The following MITF variants were observed in gnomAD, a reference collection of about 807,000 sequenced individuals.
MITF encodes melanocyte inducing transcription factor.
A neutral mutation model predicts 60.5 loss-of-function variants in MITF; 17 were observed. The observed-to-expected ratio is 0.28, with a 90% CI of 0.19 to 0.42. MITF has a LOEUF of 0.42. Among genes scored for constraint, MITF ranks in the 10% least tolerant of loss-of-function variants. The probability of loss-of-function intolerance (pLI) is 1.00; values close to 1 mark genes in which losing one functional copy is unlikely to be tolerated. For synonymous variants in MITF, 260 were observed against 248.5 expected (o/e 1.05, Z -0.43); for missense variants, 622 against 683.5 (o/e 0.91, Z 1.00).
chr3:69,862,511 G>T (rs550261257), intron 1 of MITF, among the ~76,000 whole-genome samples: 1 of 152,278 alleles, frequency 6.6e-6, no homozygotes, highest in Non-Finnish European at 1.5e-5. Context: ...CTCGGGCTGG[G>T]CAATAAAACA....
chr3:69,953,662 TAGAGAGAGAGAG>T (rs776961961), intron 7 of MITF, among the ~76,000 whole-genome samples: 3 of 136,570 alleles, frequency 2.2e-5, no homozygotes, highest in Non-Finnish European at 4.8e-5. Flanking sequence ...TATATATATA[TAGAGAGAGAGAG>T]AGAGAGAGAG....
intron 2 of MITF, among the ~76,000 whole-genome samples, chr3:69,910,517 C>G (rs2107384968): frequency 6.6e-6 from 1 of 152,288 alleles, no homozygotes; most frequent in South Asian, 2.1e-4. Context: ...CTCAGACACT[C>G]AATGCCAGCC....
At chr3:69,917,833 CTG>C (rs1397257571) in intron 2 of MITF, among the ~76,000 whole-genome samples, 1 of 151,036 alleles carries the variant, frequency 6.6e-6, no homozygotes, top group Non-Finnish European at 1.5e-5. Flanking sequence ...AAGATAGAGA[CTG>C]TTTTTTGTTT....
intron 2 of MITF, among the ~76,000 whole-genome samples, chr3:69,901,932 A>G (rs2065003441): frequency 1.3e-5 from 2 of 152,206 alleles, no homozygotes; most frequent in African/African-American, 4.8e-5. Context: ...CTGGGCCTAC[A>G]TGGGGATAGT....
intron 1 of MITF, chr3:69,763,618 G>A (rs569956680): frequency 2.6e-5 from 31 of 1,213,842 alleles, no homozygotes; most frequent in Non-Finnish European, 2.9e-5. Context: ...GTCTGCAATC[G>A]CATCTTTGTA....
intron 1 of MITF, among the ~76,000 whole-genome samples, chr3:69,852,289 A>G (rs2063838049): frequency 6.6e-6 from 1 of 152,208 alleles, no homozygotes; most frequent in South Asian, 2.1e-4. Context: ...CCAATCTCTA[A>G]GATAGAGCAT....
chr3:69,966,416 TA>T lies in MITF; in HGVS notation c.*1169del. ...GGACACATTTAAGGTGTAGTATTAA[TA>T]GGTTAAAACCAGGCTTTCTAGAAAG... On this transcript the variant is annotated 3_prime_UTR_variant, in exon 10 of 10. Transcript: ENST00000352241. 4.3e-6 allele frequency: 1 copy of T among 232,896 alleles called. No individual in the cohort carries two copies. The highest frequency in any genetic ancestry group is 8.5e-6 in the Non-Finnish European group (1 of 117,576). 14.4% of individuals were successfully genotyped at this position (232,896 alleles called of 1,614,324 possible).
At chr3:69,792,193 A>G (rs139907566) in intron 1 of MITF, among the ~76,000 whole-genome samples, 2 of 152,338 alleles carry the variant, frequency 1.3e-5, no homozygotes, top group African/African-American at 4.8e-5. Context: ...AACAAAGCCA[A>G]CTGAACTAAA....
At chr3:69,770,869 T>C (rs1011534313) in intron 1 of MITF, among the ~76,000 whole-genome samples, 2 of 152,176 alleles carry the variant, frequency 1.3e-5, no homozygotes, top group Non-Finnish European at 2.9e-5. Flanking sequence ...AGGTAATATG[T>C]GAGAGAACTA....
rs2064200170 is a variant in MITF, at chr3:69,870,258, A to G, written c.105-8876A>G. On this transcript the variant is annotated intron_variant, in intron 1 of 9. Transcript: ENST00000352241. ...TGCACAAATCAGAGTTGGTAAATGGATACACACACACACACACACACACGT... is the reference window on the plus strand; with the variant it reads ...TGCACAAATCAGAGTTGGTAAATGGGTACACACACACACACACACACACGT... 2.7e-5 allele frequency among the ~76,000 whole-genome samples: 4 copies of G among 147,092 alleles called. No individual in the cohort carries two copies. In the South Asian group the frequency reaches 8.5e-4, roughly 31 times the overall value.
At chr3:69,822,059 G>C (rs932357709) in intron 1 of MITF, among the ~76,000 whole-genome samples, 1 of 152,158 alleles carries the variant, frequency 6.6e-6, no homozygotes, top group East Asian at 1.9e-4. Flanking sequence ...GGATTTTCTT[G>C]ATAGTCTCTC....
intron 1 of MITF, among the ~76,000 whole-genome samples, chr3:69,845,076 G>A (rs1206760788): frequency 6.6e-6 from 1 of 152,018 alleles, no homozygotes. Context: ...GCTTTTATTT[G>A]CATTTGTGTA....
intron 1 of MITF, among the ~76,000 whole-genome samples, chr3:69,836,895 G>C (rs2063549045): frequency 6.6e-6 from 1 of 152,154 alleles, no homozygotes; most frequent in South Asian, 2.1e-4. Context: ...ACAAACCAGA[G>C]GCTGACTGGC....
intron 1 of MITF, among the ~76,000 whole-genome samples, chr3:69,841,943 C>T (rs2063644582): frequency 1.3e-5 from 2 of 152,004 alleles, no homozygotes; most frequent in African/African-American, 4.8e-5. Context: ...TTTAGTTTAC[C>T]ACAGTGGGCA....
intron 1 of MITF, among the ~76,000 whole-genome samples, chr3:69,746,006 A>C (rs9817946): frequency 1.3e-5 from 2 of 152,086 alleles, no homozygotes; most frequent in African/African-American, 2.4e-5. Flanking sequence ...ACTAAAACAT[A>C]TATAGAATCA....
At chr3:69,777,960 G>A (rs775167033) in intron 1 of MITF, among the ~76,000 whole-genome samples, 8 of 152,108 alleles carry the variant, frequency 5.3e-5, no homozygotes, top group Admixed American at 2.6e-4. Context: ...AGATCACTCT[G>A]GCGGTGCCAC....
intron 1 of MITF, among the ~76,000 whole-genome samples, chr3:69,745,586 A>C (rs2106751446): frequency 6.6e-6 from 1 of 152,332 alleles, no homozygotes; most frequent in African/African-American, 2.4e-5. Flanking sequence ...GCATGGTCCT[A>C]AAGTAGACAT....
chr3:69,844,785 A>G (rs1219322074), intron 1 of MITF, among the ~76,000 whole-genome samples: 2 of 152,194 alleles, frequency 1.3e-5, no homozygotes, highest in Non-Finnish European at 2.9e-5. Context: ...TTTTCAAACA[A>G]AAAGAAAAAC....
At chr3:69,897,856 A>C (rs2064910574) in intron 2 of MITF, among the ~76,000 whole-genome samples, 1 of 152,244 alleles carries the variant, frequency 6.6e-6, no homozygotes, top group South Asian at 2.1e-4. Flanking sequence ...ATAAAATCAC[A>C]AAGTCAAGTC....
Sources: gnomAD v4.1 joint callset for allele counts (sites outside exome capture counted in the v4.1 genomes callset) on GRCh38, gnomAD v4.1.1 for gene constraint, MANE v1.5 for transcripts, NCBI Gene and HGNC (gene_info 2026-07-23, HGNC 2026-07-21) for gene names.